Variants in NCAM1 observed in about 807,000 individuals in gnomAD.
The protein encoded by NCAM1 is antigen recognized by monoclonal antibody 5.1H11.
NCAM1 carries 14 observed loss-of-function variants against 109.8 expected under a neutral mutation model. That is an observed-to-expected ratio of 0.13 (90% CI 0.08 to 0.20). NCAM1 has a LOEUF of 0.20. Among genes scored for constraint, NCAM1 ranks in the 10% least tolerant of loss-of-function variants. The probability of loss-of-function intolerance (pLI) is 1.00; values close to 1 mark genes in which losing one functional copy is unlikely to be tolerated. For synonymous variants in NCAM1, 418 were observed against 442.9 expected (o/e 0.94, Z 0.70); for missense variants, 774 against 1,109.9 (o/e 0.70, Z 4.30).
chr11:113,027,581 A>G (rs757978091), intron 1 of NCAM1, among the ~76,000 whole-genome samples: 16 of 152,210 alleles, frequency 1.1e-4, no homozygotes, highest in Non-Finnish European at 2.2e-4. Context: ...GTTGGTGTAG[A>G]TAAGTCATTG....
chr11:113,163,649 G>T (rs1387849064), intron 1 of NCAM1, among the ~76,000 whole-genome samples: 1 of 152,196 alleles, frequency 6.6e-6, no homozygotes, highest in African/African-American at 2.4e-5. Flanking sequence ...TGTCTGCCAA[G>T]AGGGAAAACC....
At chr11:113,117,467 C>A (rs367549112) in intron 1 of NCAM1, among the ~76,000 whole-genome samples, 25 of 152,082 alleles carry the variant, frequency 1.6e-4, no homozygotes, top group African/African-American at 6.0e-4. Flanking sequence ...CCCCACTAAT[C>A]CCCGCAGCTC....
rs1211122696 is a variant in NCAM1 at position 113,202,223 on chromosome 11, C to A, written c.53-156C>A. On this transcript the variant is annotated intron_variant, in intron 1 of 19. Coordinates refer to ENST00000316851, the MANE Select transcript of NCAM1 (RefSeq NM_181351.5). ...GCACAAGTTCTCAAACTCCACACAA[C>A]CTCCTCCCTTCACTCTTTCTTAAAG... 2.9e-5 allele frequency: 22 copies of A among 745,996 alleles called. No homozygotes were observed. In the East Asian group the frequency reaches 4.6e-4, roughly 16 times the overall value. The allele number at this position is 745,996 out of a possible 1,614,324, so 46.2% of individuals were successfully genotyped here.
At chr11:113,138,334 A>G (rs578096395) in intron 1 of NCAM1, among the ~76,000 whole-genome samples, 13 of 152,250 alleles carry the variant, frequency 8.5e-5, no homozygotes, top group South Asian at 4.2e-4. Flanking sequence ...CGCATTTCCT[A>G]TTCTTTCTGG....
chr11:113,133,496 T>C (rs1390088239), intron 1 of NCAM1: 1 of 152,342 alleles, frequency 6.6e-6, no homozygotes, highest in Non-Finnish European at 1.5e-5. Context: ...CACCAACTTA[T>C]ATAACATGCA....
chr11:112,998,032 A>G (rs1370171605), intron 1 of NCAM1, among the ~76,000 whole-genome samples: 3 of 152,214 alleles, frequency 2.0e-5, no homozygotes, highest in Non-Finnish European at 4.4e-5. Context: ...AGCAGAGGGC[A>G]GAGCTGGGGT....
chr11:113,128,648 G>A (rs1941272334), intron 1 of NCAM1, among the ~76,000 whole-genome samples: 1 of 152,006 alleles, frequency 6.6e-6, no homozygotes, highest in Admixed American at 6.6e-5. Context: ...TTTATTCTTG[G>A]GATGACTTAC....
intron 1 of NCAM1, among the ~76,000 whole-genome samples, chr11:113,083,980 G>C (rs985768917): frequency 2.6e-5 from 4 of 152,180 alleles, no homozygotes; most frequent in African/African-American, 9.7e-5. Flanking sequence ...AAGCTGGGGA[G>C]GGAATAGAAA....
intron 1 of NCAM1, among the ~76,000 whole-genome samples, chr11:113,069,683 T>C (rs193044546): frequency 1.5e-4 from 23 of 152,318 alleles, no homozygotes; most frequent in Non-Finnish European, 2.8e-4. Context: ...GAGGGACTTA[T>C]GAGGCAATGG....
intron 1 of NCAM1, among the ~76,000 whole-genome samples, chr11:113,143,820 G>A (rs1347202867): frequency 6.6e-6 from 1 of 152,142 alleles, no homozygotes; most frequent in Admixed American, 6.5e-5. Flanking sequence ...CCTGTCCCTT[G>A]CTGTGTCTTA....
At chr11:113,073,065 T>G (rs1246417910) in intron 1 of NCAM1, among the ~76,000 whole-genome samples, 9 of 152,160 alleles carry the variant, frequency 5.9e-5, no homozygotes, top group Admixed American at 5.9e-4. Flanking sequence ...CTCTAGGAAC[T>G]CAATTACTCT....
At chr11:113,079,406 G>A (rs73568723) in intron 1 of NCAM1, among the ~76,000 whole-genome samples, 2,068 of 152,172 alleles carry the variant, frequency 0.014, 46 homozygotes, top group African/African-American at 0.047. Flanking sequence ...CTCTATACCC[G>A]TGTTTCTGTC....
intron 18 of NCAM1, 165 bp downstream of exon 18, chr11:113,270,560 C>A: frequency 1.5e-6 from 1 of 668,310 alleles, no homozygotes; most frequent in Non-Finnish European, 2.5e-6. Context: ...TTTCTCAAAG[C>A]ATGGTCTTTG....
rs2136286597 is a variant in NCAM1 at position 113,153,302 on chromosome 11, A to C, written c.53-49077A>C. 1.3e-5 allele frequency among the ~76,000 whole-genome samples: 2 copies of C among 152,284 alleles called. 1 individual carries two copies. Among genetic ancestry groups the C allele is most frequent in the Middle Eastern group, 6.8e-3 (2 of 294 alleles). ...GTGATCCACCCGCCTCAGCCTCCCA[A>C]AGTGTTGGGATTACAGGCGTGAGCC... On this transcript the variant is annotated intron_variant, in intron 1 of 19. Coordinates refer to ENST00000316851, the MANE Select transcript of NCAM1 (RefSeq NM_181351.5).
At chr11:113,272,013 A>G (rs1303243915) in intron 19 of NCAM1, 137 bp downstream of exon 19, 3 of 580,364 alleles carry the variant, frequency 5.2e-6, no homozygotes, top group Non-Finnish European at 8.6e-6. Context: ...ACCCTTGGCC[A>G]CAAGACCTGC....
intron 14 of NCAM1, among the ~76,000 whole-genome samples, chr11:113,239,499 C>CTTTTTTTTTTTTTTTT (rs55641415): frequency 9.1e-6 from 1 of 110,220 alleles, no homozygotes. Context: ...TGAGTCTCTA[C>CTTTTTTTTTTTTTTTT]TTTTTTTTTT....
chr11:113,108,764 C>A (rs763582746), intron 1 of NCAM1, among the ~76,000 whole-genome samples: 1 of 146,370 alleles, frequency 6.8e-6, no homozygotes, highest in Non-Finnish European at 1.5e-5. Context: ...TGATACATCC[C>A]TTGAAGGTTT....
intron 1 of NCAM1, among the ~76,000 whole-genome samples, chr11:113,124,679 T>C (rs1941106817): frequency 6.6e-6 from 1 of 152,188 alleles, no homozygotes; most frequent in Non-Finnish European, 1.5e-5. Context: ...TTATAACTTA[T>C]CAAAAGATAC....
intron 1 of NCAM1, among the ~76,000 whole-genome samples, chr11:113,042,394 C>G (rs1354614740): frequency 2.0e-5 from 3 of 152,232 alleles, no homozygotes; most frequent in Non-Finnish European, 4.4e-5. Flanking sequence ...TCCCTCTGCC[C>G]TTTGGCCTCC....
Sources: gnomAD v4.1 joint callset for allele counts (sites outside exome capture counted in the v4.1 genomes callset) on GRCh38, gnomAD v4.1.1 for gene constraint, MANE v1.5 for transcripts, NCBI Gene and HGNC (gene_info 2026-07-23, HGNC 2026-07-21) for gene names.